EXO1: variants seen among roughly 807,000 people sequenced by gnomAD.
EXO1 encodes the protein exonuclease 1.
In EXO1, 69 loss-of-function variants were observed where a neutral mutation model predicts 84.5. The ratio of observed to expected loss-of-function variants is 0.82; its 90% CI spans 0.67 to 1.00. EXO1 has a LOEUF of 1.00. Ranked by LOEUF, EXO1 falls within the 50% of genes least tolerant of loss-of-function variation. The probability of loss-of-function intolerance (pLI) is 0.00; values close to 1 mark genes in which losing one functional copy is unlikely to be tolerated. For missense variants in EXO1, 1,045 were observed against 1,000.7 expected (o/e 1.04, Z -0.60); for synonymous variants, 373 against 366.1 (o/e 1.02, Z -0.21).
At chr1:241,861,102 G>A (rs928002729) in intron 9 of EXO1, among the ~76,000 whole-genome samples, 1 of 152,190 alleles carries the variant, frequency 6.6e-6, no homozygotes, top group African/African-American at 2.4e-5. Flanking sequence ...CCATGTACAT[G>A]CAGGCTGATG....
chr1:241,857,517 A>T (rs775151146), intron 7 of EXO1, 35 bp downstream of exon 7: 3 of 1,567,986 alleles, frequency 1.9e-6, no homozygotes, highest in South Asian at 1.1e-5. Context: ...TTACTTTTCT[A>T]TGTAGATAGT....
At chr1:241,875,223 C>G (rs753709576) in intron 12 of EXO1, among the ~76,000 whole-genome samples, 1 of 152,150 alleles carries the variant, frequency 6.6e-6, no homozygotes, top group African/African-American at 2.4e-5. Flanking sequence ...AGGCTGGTGT[C>G]GAACTCCTGA....
At chr1:241,850,290 A>AAAAC in intron 3 of EXO1, 119 bp from the exon 4 acceptor site, 5 of 693,528 alleles carry the variant, frequency 7.2e-6, no homozygotes, top group Admixed American at 2.5e-5. Context: ...AAAAAAAAAA[A>AAAAC]AAAACAACAA....
At chr1:241,882,182 G>A (rs772405948) in intron 14 of EXO1, among the ~76,000 whole-genome samples, 165 bp downstream of exon 14, 1 of 152,062 alleles carries the variant, frequency 6.6e-6, no homozygotes, top group Non-Finnish European at 1.5e-5. Flanking sequence ...TTTAAGTTGT[G>A]AAACTTATTT....
upstream of EXO1, chr1:241,848,049 A>C (rs1477723538): frequency 6.6e-6 from 1 of 152,272 alleles, no homozygotes; most frequent in Non-Finnish European, 1.5e-5. The surrounding 1 kb of genome is among the most constrained non-coding windows in gnomAD (Gnocchi z 4.2). Flanking sequence ...CTGCAGTCGT[A>C]TGGCAGTGAG....
At chr1:241,876,504 C>T (rs3819358) in intron 12 of EXO1, among the ~76,000 whole-genome samples, 24,745 of 151,802 alleles carry the variant, frequency 0.16, 2,507 homozygotes, top group Non-Finnish European at 0.23. Flanking sequence ...ATAGCTTGAA[C>T]CCAGGAGGAG....
At chr1:241,858,744 A>T (rs760333753) in intron 8 of EXO1, 26 bp downstream of exon 8, 1 of 1,411,414 alleles carries the variant, frequency 7.1e-7, no homozygotes, top group Admixed American at 1.7e-5. Flanking sequence ...TAAGTGTCAT[A>T]TTCAATTTCT....
chr1:241,865,609 T>C (rs1661666922), intron 10 of EXO1, among the ~76,000 whole-genome samples: 1 of 152,164 alleles, frequency 6.6e-6, no homozygotes, highest in Non-Finnish European at 1.5e-5. Flanking sequence ...ATTGTAATGT[T>C]ATGGAATGCT....
At position 241,857,334 on chromosome 1, in the gene EXO1, C is replaced by T; in HGVS notation, c.406-11C>T. On this transcript the variant is annotated splice_polypyrimidine_tract_variant and intron_variant, in intron 6 of 15. Coordinates refer to ENST00000366548, the MANE Select transcript of EXO1 (RefSeq NM_130398.4). ...GCCGTGCTAGAGATTCACTGTGATT[C>T]TCTCTTCTAGGCTGCCCGGTCTCAG... 1 of 1,611,714 alleles carries T rather than the reference C, an allele frequency of 6.2e-7. No homozygotes were observed. The highest frequency in any genetic ancestry group is 8.5e-7 in the Non-Finnish European group (1 of 1,178,698).
chr1:241,852,594 A>G (rs1352210959), intron 5 of EXO1, among the ~76,000 whole-genome samples, 183 bp downstream of exon 5: 1 of 152,182 alleles, frequency 6.6e-6, no homozygotes, highest in Non-Finnish European at 1.5e-5. Context: ...TTAGTACCCT[A>G]TGATCATCGC....
chr1:241,855,413 A>G (rs1198679717), intron 6 of EXO1, among the ~76,000 whole-genome samples: 1 of 152,174 alleles, frequency 6.6e-6, no homozygotes, highest in Admixed American at 6.5e-5. Flanking sequence ...GTGTGTTTAC[A>G]AACCTTGAGC....
rs377293290 is a variant in EXO1, at chr1:241,850,566, C to T, written c.141C>T (p.Ala47=). 5 of 1,613,640 alleles carry T rather than the reference C, an allele frequency of 3.1e-6. No individual in the cohort carries two copies. In the African/African-American group the frequency reaches 6.7e-5, roughly 22 times the overall value. ...CTATTGCTTGTGCTGAAAAACTAGC[C>T]AAAGGTGAACCTACTGATAGGTAAG... ...KGAIACAEKL[A]KGEPTDRYVG... The change falls in exon 4 of 16, where the codon GCC becomes GCT. Residue 47 remains alanine, a synonymous_variant. Coordinates refer to ENST00000366548, the MANE Select transcript of EXO1 (RefSeq NM_130398.4).
chr1:241,862,045 TCTC>T (rs1661427290), intron 10 of EXO1, among the ~76,000 whole-genome samples: 1 of 152,206 alleles, frequency 6.6e-6, no homozygotes, highest in Non-Finnish European at 1.5e-5. Context: ...TTCGAGCAAT[TCTC>T]CTGCCTCAGC....
Position 241,889,722 on chromosome 1 carries a change from G to T in EXO1, c.*122G>T. ...CTCATTCTGTGCCATTTTAAAAATA[G>T]AATACATTTTGTATATTAACTTTAT... is the stretch of plus-strand genomic sequence containing the variant. On this transcript the variant is annotated 3_prime_UTR_variant, in exon 16 of 16. Transcript: ENST00000366548. 3.1e-6 allele frequency: 3 copies of T among 970,440 alleles called. No individual in the cohort carries two copies. Among genetic ancestry groups the T allele is most frequent in the Non-Finnish European group, 3.3e-6 (2 of 611,666 alleles). 60.1% of individuals were successfully genotyped at this position (970,440 alleles called of 1,614,324 possible). A position where few individuals can be genotyped will look rare whatever the true frequency, so the allele number is the denominator to read the frequency against.
chr1:241,850,306 T>A, intron 3 of EXO1, 103 bp from the exon 4 acceptor site: 1 of 803,744 alleles, frequency 1.2e-6, no homozygotes. Flanking sequence ...AACAAACCAA[T>A]TTCTGCATTG....
At chr1:241,879,771 G>A (rs1373864443) in intron 13 of EXO1, among the ~76,000 whole-genome samples, 95 of 152,224 alleles carry the variant, frequency 6.2e-4, no homozygotes, top group Middle Eastern at 3.4e-3. Context: ...TTGGGAGGCC[G>A]AGGCGAGCGG....
In EXO1 at chr1:241,857,362, G is replaced by A; in HGVS notation, c.423G>A (p.Gly141=). The A allele has an allele frequency of 2.5e-6, 4 of 1,613,902 alleles. No homozygotes were observed. Among genetic ancestry groups the A allele is most frequent in the Non-Finnish European group, 3.4e-6 (4 of 1,179,886 alleles). The part of the protein sequence containing the change: ...HKVIKAARSQ[G]VDCLVAPYEA... ...TCTTCTAGGCTGCCCGGTCTCAGGGGGTAGATTGCCTCGTGGCTCCCTATG... is the reference window on the plus strand; with the variant it reads ...TCTTCTAGGCTGCCCGGTCTCAGGGAGTAGATTGCCTCGTGGCTCCCTATG... The change falls in exon 7 of 16, where the codon GGG becomes GGA. Residue 141 remains glycine, a synonymous_variant. Transcript: ENST00000366548.
intron 14 of EXO1, among the ~76,000 whole-genome samples, chr1:241,882,490 G>GAT (rs1193463298): frequency 6.6e-6 from 1 of 152,114 alleles, no homozygotes; most frequent in East Asian, 1.9e-4. Context: ...GTGTACCCAT[G>GAT]ATAAACTAGG....
chr1:241,878,833 A>G lies in EXO1; in HGVS notation c.1599A>G (p.Lys533=). The G allele has an allele frequency of 6.2e-7, 1 of 1,614,156 alleles. No individual in the cohort carries two copies. The highest frequency in any genetic ancestry group is 8.5e-7 in the Non-Finnish European group (1 of 1,179,998). The change falls in exon 13 of 16, where the codon AAA becomes AAG. Residue 533 remains lysine, a synonymous_variant. Transcript: ENST00000366548. ...QPLDETAVTD[K]ENNLHESEYG... is the part of the protein sequence containing the mutation. The stretch of plus-strand genomic sequence containing the variant: ...TGGATGAAACTGCTGTCACAGATAA[A>G]GAGAACAATCTGCATGAATCAGAGT...
Sources: allele counts gnomAD v4.1 joint callset (sites outside exome capture counted in the v4.1 genomes callset), GRCh38; gene constraint gnomAD v4.1.1; non-coding constraint Gnocchi (gnomAD v3.1); transcripts MANE v1.5; gene names NCBI Gene and HGNC (gene_info 2026-07-23, HGNC 2026-07-21).